Variants in SNTG1 observed in about 807,000 individuals in gnomAD.
The protein encoded by SNTG1 is syntrophin gamma 1, also known as gamma-1-syntrophin.
A neutral mutation model predicts 74.7 loss-of-function variants in SNTG1; 39 were observed. That is an observed-to-expected ratio of 0.52 (90% confidence interval 0.40 to 0.68). SNTG1 has a LOEUF of 0.68. Ranked by LOEUF, SNTG1 falls within the 30% of genes least tolerant of loss-of-function variation. SNTG1 has a pLI of 0.00. For synonymous variants in SNTG1, 254 were observed against 217.1 expected (o/e 1.17, Z -1.49); for missense variants, 685 against 609.5 (o/e 1.12, Z -1.30).
chr8:50,768,521 C>A lies in SNTG1; in HGVS notation c.1395+16410C>A, dbSNP rs533709804. ...GGCACTTGAGTCTTATAAATAAGGT[C>A]TTTTAATATTCACAAGGCTGGGTAG... On this transcript the variant is annotated intron_variant, in intron 18 of 18. Coordinates refer to ENST00000642720, the MANE Select transcript of SNTG1 (RefSeq NM_018967.5). Among the ~76,000 whole-genome samples the A allele has an allele frequency of 3.9e-5, 6 of 152,112 alleles. No homozygotes were observed. The South Asian group carries it at 1.0e-3, about 26-fold the overall frequency.
chr8:50,640,317 A>G (rs1485699386), intron 13 of SNTG1, among the ~76,000 whole-genome samples: 1 of 152,160 alleles, frequency 6.6e-6, no homozygotes, highest in Non-Finnish European at 1.5e-5. Context: ...TATAATAACA[A>G]GGTCAGTCAT....
intron 8 of SNTG1, among the ~76,000 whole-genome samples, chr8:50,497,517 A>G (rs2093914998): frequency 6.6e-6 from 1 of 152,050 alleles, no homozygotes; most frequent in African/African-American, 2.4e-5. Context: ...GTTATAATAT[A>G]ATGTCAATAC....
At chr8:49,982,673 T>TGACCAAG (rs1330769064) in intron 1 of SNTG1, among the ~76,000 whole-genome samples, 2 of 151,052 alleles carry the variant, frequency 1.3e-5, no homozygotes, top group Non-Finnish European at 2.9e-5. Flanking sequence ...TATATTTACT[T>TGACCAAG]GACCAAGGAC....
chr8:50,200,744 T>C lies in SNTG1; in HGVS notation c.-28+28109T>C, dbSNP rs150295994. Among the ~76,000 whole-genome samples, 784 of 152,054 alleles carry C rather than the reference T, an allele frequency of 5.2e-3. 5 individuals are homozygous for C. Among genetic ancestry groups the C allele is most frequent in the African/African-American group, 0.018 (755 of 41,480 alleles). ...TGAATCACGATAAATGAAAACCAAATAGGCCTCTGTGAAGGGAAGGGGAAT... is the reference window on the plus strand; with the variant it reads ...TGAATCACGATAAATGAAAACCAAACAGGCCTCTGTGAAGGGAAGGGGAAT... On this transcript the variant is annotated intron_variant, in intron 2 of 18. Transcript: ENST00000642720.
chr8:50,573,983 T>A (rs1477434769), intron 12 of SNTG1, among the ~76,000 whole-genome samples: 1 of 152,028 alleles, frequency 6.6e-6, no homozygotes, highest in Non-Finnish European at 1.5e-5. Context: ...AATAGGATGA[T>A]CTTAATTCTA....
intron 12 of SNTG1, among the ~76,000 whole-genome samples, chr8:50,586,845 G>A (rs1181975675): frequency 2.0e-5 from 3 of 150,864 alleles, no homozygotes; most frequent in African/African-American, 2.4e-5. Context: ...GGAGAGCTTC[G>A]TTAAAAAAAA....
At chr8:50,695,198 C>T (rs1464621773) in intron 15 of SNTG1, among the ~76,000 whole-genome samples, 1 of 151,634 alleles carries the variant, frequency 6.6e-6, no homozygotes, top group Non-Finnish European at 1.5e-5. Flanking sequence ...CCAAGATCCC[C>T]CCACTCACAC....
intron 18 of SNTG1, among the ~76,000 whole-genome samples, chr8:50,776,157 C>T (rs915100139): frequency 1.3e-5 from 2 of 150,516 alleles, no homozygotes; most frequent in Non-Finnish European, 3.0e-5. Flanking sequence ...TCTCTCTTTT[C>T]CATTTTTCTG....
chr8:50,552,088 G>T (rs1011820216), intron 11 of SNTG1, among the ~76,000 whole-genome samples: 2 of 152,158 alleles, frequency 1.3e-5, no homozygotes, highest in Non-Finnish European at 2.9e-5. Flanking sequence ...ATAGCATTTT[G>T]AATACTGAAT....
intron 1 of SNTG1, among the ~76,000 whole-genome samples, chr8:50,050,013 G>GA (rs1042182161): frequency 1.8e-4 from 27 of 151,806 alleles, no homozygotes; most frequent in African/African-American, 6.3e-4. Context: ...AATAAATATT[G>GA]AAATCAACAA....
chr8:50,177,419 A>G (rs16914410), intron 2 of SNTG1, among the ~76,000 whole-genome samples: 2,305 of 152,212 alleles, frequency 0.015, 53 homozygotes, highest in African/African-American at 0.05. Context: ...CTCATTCCCG[A>G]ACATCCCTGC....
chr8:50,626,077 T>A (rs183711876), intron 13 of SNTG1, among the ~76,000 whole-genome samples: 1 of 152,336 alleles, frequency 6.6e-6, no homozygotes, highest in East Asian at 1.9e-4. Flanking sequence ...TTGCCTGGTC[T>A]GCCAGCATAT....
At chr8:50,210,749 T>C (rs2084482194) in intron 2 of SNTG1, among the ~76,000 whole-genome samples, 1 of 152,216 alleles carries the variant, frequency 6.6e-6, no homozygotes, top group Admixed American at 6.5e-5. Flanking sequence ...ATTTTCACTG[T>C]TGAGTTTGTA....
At chr8:50,724,700 G>T (rs1337171493) in intron 17 of SNTG1, among the ~76,000 whole-genome samples, 1 of 152,048 alleles carries the variant, frequency 6.6e-6, no homozygotes, top group Non-Finnish European at 1.5e-5. Flanking sequence ...ATCAATTCAG[G>T]TGCACTTCAG....
At chr8:50,466,806 T>G (rs904232761) in intron 8 of SNTG1, among the ~76,000 whole-genome samples, 7 of 152,050 alleles carry the variant, frequency 4.6e-5, no homozygotes, top group African/African-American at 9.6e-5. Flanking sequence ...CAGTATTGTT[T>G]TTCTAACTTC....
intron 15 of SNTG1, among the ~76,000 whole-genome samples, chr8:50,703,505 T>G (rs1242130442): frequency 6.6e-6 from 1 of 152,042 alleles, no homozygotes; most frequent in Non-Finnish European, 1.5e-5. Context: ...CTGAAGGAAC[T>G]GCTTGAGCCT....
chr8:50,135,031 T>C (rs1466137456), intron 1 of SNTG1, among the ~76,000 whole-genome samples: 2 of 152,208 alleles, frequency 1.3e-5, no homozygotes, highest in Admixed American at 1.3e-4. Context: ...GGTTCAATTA[T>C]GTCAACCCGG....
At chr8:50,739,586 G>A (rs1338982632) in intron 17 of SNTG1, among the ~76,000 whole-genome samples, 1 of 151,376 alleles carries the variant, frequency 6.6e-6, no homozygotes, top group African/African-American at 2.4e-5. Flanking sequence ...TGGGGCTGGG[G>A]GAGGGATAGC....
chr8:50,338,652 A>G (rs974366853), intron 2 of SNTG1, among the ~76,000 whole-genome samples: 4 of 152,210 alleles, frequency 2.6e-5, no homozygotes, highest in African/African-American at 9.6e-5. Flanking sequence ...ACAGTCTTTC[A>G]TGAAATTATT....
Sources: gnomAD v4.1 joint callset for allele counts (sites outside exome capture counted in the v4.1 genomes callset) on GRCh38, gnomAD v4.1.1 for gene constraint, MANE v1.5 for transcripts, NCBI Gene and HGNC (gene_info 2026-07-23, HGNC 2026-07-21) for gene names.